OPN3: variants seen among roughly 807,000 people sequenced by gnomAD.
The protein encoded by OPN3 is opsin-3.
In OPN3, 29 loss-of-function variants were observed where a neutral mutation model predicts 33.8. That is an observed-to-expected ratio of 0.86 (90% confidence interval 0.64 to 1.17). OPN3 has a LOEUF of 1.17. OPN3 is among the 50% of genes most tolerant of loss of function. The pLI is 0.00. For missense variants in OPN3, 437 were observed against 514.1 expected (o/e 0.85, Z 1.45); for synonymous variants, 216 against 216.1 (o/e 1.00, Z 0.00).
chr1:241,597,959 G>C lies in OPN3; in HGVS notation c.732C>G (p.Ile244Met). ...GTTTCTTTTCATATTTTAAAATCTT[G>C]ATCACTTGAATTGTCTGAAGATCTT... is the stretch of plus-strand genomic sequence containing the variant. ...CVEDLQTIQV[I>M]KILKYEKKLA... The change falls in exon 3 of 4, where the codon ATC becomes ATG. Residue 244 changes from isoleucine to methionine, a missense_variant. By Grantham distance (10) the Ile-to-Met change is conservative. Transcript: ENST00000366554. 1 of 1,613,658 alleles carries C rather than the reference G, an allele frequency of 6.2e-7. No individual in the cohort carries two copies. The highest frequency in any genetic ancestry group is 8.5e-7 in the Non-Finnish European group (1 of 1,179,898).
chr1:241,635,314 G>A lies in OPN3; in HGVS notation c.373+4568C>T, dbSNP rs148297941. On this transcript the variant is annotated intron_variant, in intron 1 of 3. Transcript: ENST00000366554. ...TCTGAGTGTGTTTTGCAGGCATTTCGTCGCTATTAAAATACGATAACTGGC... is the reference window on the plus strand; with the variant it reads ...TCTGAGTGTGTTTTGCAGGCATTTCATCGCTATTAAAATACGATAACTGGC... 5.2e-5 allele frequency: 84 copies of A among 1,613,830 alleles called. 1 individual carries two copies. The Admixed American group carries it at 5.5e-4, about 11-fold the overall frequency.
At position 241,635,930 on chromosome 1, in the gene OPN3, T is replaced by A. The variant is rs1014011304; in HGVS notation, c.373+3952A>T. 3.6e-5 allele frequency: 23 copies of A among 642,612 alleles called. No homozygotes were observed. In the Admixed American group the frequency reaches 7.8e-4, roughly 22 times the overall value. 39.8% of individuals were successfully genotyped at this position (642,612 alleles called of 1,614,324 possible). On this transcript the variant is annotated intron_variant, in intron 1 of 3. Coordinates refer to ENST00000366554, the MANE Select transcript of OPN3 (RefSeq NM_014322.3). ...CCCTTTTAAAATATTTTTTTTCTTA[T>A]AAGTCAGTAGCATAAAAACATGAGC...
intron 1 of OPN3, among the ~76,000 whole-genome samples, chr1:241,624,054 A>C (rs1228699260): frequency 1.4e-5 from 2 of 146,186 alleles, no homozygotes; most frequent in African/African-American, 5.2e-5. Context: ...CTGCCTCTCC[A>C]TGCCAGGCCA....
In OPN3 at chr1:241,640,225, G is replaced by A. The variant is rs1391388187; in HGVS notation, c.30C>T (p.His10=). 1.4e-5 allele frequency: 19 copies of A among 1,329,058 alleles called. No homozygotes were observed. Among genetic ancestry groups the A allele is most frequent in the South Asian group, 2.0e-5 (1 of 49,336 alleles). 82.3% of individuals were successfully genotyped at this position (1,329,058 alleles called of 1,614,324 possible). The change falls in exon 1 of 4, where the codon CAC becomes CAT. Residue 10 remains histidine (H), a synonymous_variant. Coordinates refer to ENST00000366554, the MANE Select transcript of OPN3 (RefSeq NM_014322.3). Reference sequence around the variant, plus strand: ...CGGCCCCGCCGCCGTCCCAGTAGCCGTGGCCGCCGCTGCGGTTCCCCGAGT... The same window carrying A: ...CGGCCCCGCCGCCGTCCCAGTAGCCATGGCCGCCGCTGCGGTTCCCCGAGT... The part of the protein sequence containing the change: MYSGNRSGG[H]GYWDGGGAAG...
chr1:241,615,859 T>G (rs1177307777), intron 1 of OPN3: 1 of 456,676 alleles, frequency 2.2e-6, no homozygotes, highest in South Asian at 1.5e-5. Flanking sequence ...CATACCTGCA[T>G]GCAGATAGTG....
chr1:241,638,681 T>A (rs929766162), intron 1 of OPN3, among the ~76,000 whole-genome samples: 32 of 151,998 alleles, frequency 2.1e-4, no homozygotes, highest in Admixed American at 1.9e-3. Context: ...ATTATCAGAT[T>A]AAAGCTTATG....
At chr1:241,638,283 G>C (rs910855759) in intron 1 of OPN3, among the ~76,000 whole-genome samples, 3 of 152,132 alleles carry the variant, frequency 2.0e-5, no homozygotes, top group Non-Finnish European at 4.4e-5. Flanking sequence ...AACAGGAAGG[G>C]AGAAGTGACC....
chr1:241,611,536 C>T (rs1422663480), intron 1 of OPN3, among the ~76,000 whole-genome samples: 1 of 150,774 alleles, frequency 6.6e-6, no homozygotes, highest in African/African-American at 2.4e-5. Flanking sequence ...AAGTGACAGC[C>T]AATCCTCTTA....
intron 1 of OPN3, among the ~76,000 whole-genome samples, chr1:241,612,997 A>G (rs1573957410): frequency 6.6e-6 from 1 of 152,316 alleles, no homozygotes; most frequent in South Asian, 2.1e-4. Flanking sequence ...CGGGCATACC[A>G]TCCTGTTGCT....
chr1:241,637,646 C>T (rs1486363536), intron 1 of OPN3, among the ~76,000 whole-genome samples: 1 of 152,112 alleles, frequency 6.6e-6, no homozygotes, highest in African/African-American at 2.4e-5. Context: ...CACGTTCTAA[C>T]CTACAGATAT....
Position 241,594,583 on chromosome 1 carries a change from T to C in OPN3, c.1054A>G (p.Met352Val). The C allele has an allele frequency of 6.2e-7, 1 of 1,614,148 alleles. No homozygotes were observed. The highest frequency in any genetic ancestry group is 8.5e-7 in the Non-Finnish European group (1 of 1,180,000). The change falls in exon 4 of 4, where the codon ATG (methionine) becomes GTG (valine). Residue 352 changes from methionine (M) to valine (V), a missense_variant. Physicochemically the swap from Met to Val is conservative, Grantham distance 21. Coordinates refer to ENST00000366554, the MANE Select transcript of OPN3 (RefSeq NM_014322.3). ...GSEMQIRPIVMSQKDGDRPKK... is the reference protein window; with the variant it reads ...GSEMQIRPIVVSQKDGDRPKK... Reference sequence around the variant, plus strand: ...GGCCTGTCCCCATCTTTCTGTGACATCACAATGGGTCTGATCTGCATTTCA... The same window carrying C: ...GGCCTGTCCCCATCTTTCTGTGACACCACAATGGGTCTGATCTGCATTTCA...
At chr1:241,624,857 A>G (rs1291105083) in intron 1 of OPN3, among the ~76,000 whole-genome samples, 1 of 150,490 alleles carries the variant, frequency 6.6e-6, no homozygotes, top group Non-Finnish European at 1.5e-5. Flanking sequence ...GCCCACTTCT[A>G]CCACTTACCA....
chr1:241,613,862 G>A (rs1664057580), intron 1 of OPN3, among the ~76,000 whole-genome samples: 1 of 152,156 alleles, frequency 6.6e-6, no homozygotes, highest in African/African-American at 2.4e-5. Context: ...AACCCTTTCT[G>A]TGGGTTAAAA....
Position 241,639,769 on chromosome 1 carries a change from G to A in OPN3, c.373+113C>T, listed in dbSNP as rs554985334. The A allele has an allele frequency of 1.5e-5, 17 of 1,105,060 alleles. No individual in the cohort carries two copies. In the African/African-American group the frequency reaches 2.6e-4, roughly 17 times the overall value. 68.5% of individuals were successfully genotyped at this position (1,105,060 alleles called of 1,614,324 possible). A position where few individuals can be genotyped will look rare whatever the true frequency, so the allele number is the denominator to read the frequency against. ...GGGCGGTGTAGGGCGGGGGGCGCGG[G>A]GCCGAGCGGGAAGCGGTGCGGGGCG... On this transcript the variant is annotated intron_variant, in intron 1 of 3. Transcript: ENST00000366554.
intron 1 of OPN3, among the ~76,000 whole-genome samples, chr1:241,627,905 G>GT (rs1664468531): frequency 6.6e-6 from 1 of 152,042 alleles, no homozygotes; most frequent in African/African-American, 2.4e-5. Context: ...GAAACTTTAT[G>GT]ATCGAATTTC....
chr1:241,597,051 G>C (rs1279826773), intron 3 of OPN3, among the ~76,000 whole-genome samples: 1 of 151,558 alleles, frequency 6.6e-6, no homozygotes, highest in East Asian at 1.9e-4. Flanking sequence ...GGTTGGTCTT[G>C]AACTCTTAGC....
In OPN3 at chr1:241,639,797, C is replaced by G. The variant is rs1230132994; in HGVS notation, c.373+85G>C. 3.4e-6 allele frequency: 4 copies of G among 1,160,926 alleles called. No homozygotes were observed. The African/African-American group carries it at 9.4e-5, about 27-fold the overall frequency. 71.9% of individuals were successfully genotyped at this position (1,160,926 alleles called of 1,614,324 possible). On this transcript the variant is annotated intron_variant, in intron 1 of 3. Coordinates refer to ENST00000366554, the MANE Select transcript of OPN3 (RefSeq NM_014322.3). ...CGAGCGGGAAGCGGTGCGGGGCGGG[C>G]TGGGGGGCGGACGCACGGAGCGGGC...
chr1:241,640,009 G>A lies in OPN3; in HGVS notation c.246C>T (p.Asn82=), dbSNP rs373057102. The A allele has an allele frequency of 1.4e-5, 22 of 1,613,364 alleles. No individual in the cohort carries two copies. In the African/African-American group the frequency reaches 2.8e-4, roughly 21 times the overall value. ...ACACCAGCAGGTCGCTGAGGCTGAT[G>A]TTGACCAGGAGGAGGTGAGTGGGAG... ...LRTPTHLLLV[N]ISLSDLLVSL... The change falls in exon 1 of 4, where the codon AAC becomes AAT. Residue 82 remains asparagine, a synonymous_variant. Transcript: ENST00000366554.
chr1:241,634,088 G>A lies in OPN3; in HGVS notation c.373+5794C>T, dbSNP rs773214626. On this transcript the variant is annotated intron_variant, in intron 1 of 3. Coordinates refer to ENST00000366554, the MANE Select transcript of OPN3 (RefSeq NM_014322.3). Reference sequence around the variant, plus strand: ...ATTATACGAGCTTCTGCTGATTCCCGAGGAATCTCTCATATTAAAATAAAG... The same window carrying A: ...ATTATACGAGCTTCTGCTGATTCCCAAGGAATCTCTCATATTAAAATAAAG... The A allele has an allele frequency of 3.4e-5, 54 of 1,611,080 alleles. No individual in the cohort carries two copies. Among genetic ancestry groups the A allele is most frequent in the East Asian group, 1.1e-4 (5 of 44,874 alleles).
Sources: allele counts gnomAD v4.1 joint callset (sites outside exome capture counted in the v4.1 genomes callset), GRCh38; gene constraint gnomAD v4.1.1; transcripts MANE v1.5; gene names NCBI Gene and HGNC (gene_info 2026-07-23, HGNC 2026-07-21).